Variants in AVL9 observed in about 807,000 individuals in gnomAD.
The protein encoded by AVL9 is late secretory pathway protein AVL9 homolog.
A neutral mutation model predicts 79.2 loss-of-function variants in AVL9; 49 were observed. The ratio of observed to expected loss-of-function variants is 0.62; its 90% CI spans 0.49 to 0.79. AVL9 has a LOEUF of 0.79. Among genes scored for constraint, AVL9 ranks in the 30% least tolerant of loss-of-function variants. The pLI, the probability that AVL9 is intolerant of heterozygous loss-of-function variation, is 0.00. For synonymous variants in AVL9, 299 were observed against 280.6 expected (o/e 1.07, Z -0.65); for missense variants, 682 against 776.8 (o/e 0.88, Z 1.45).
chr7:32,545,865 A>T (rs1789471576), intron 3 of AVL9, among the ~76,000 whole-genome samples: 1 of 152,108 alleles, frequency 6.6e-6, no homozygotes, highest in East Asian at 1.9e-4. Flanking sequence ...AGTGGTTCTT[A>T]GTCTCAGCTG....
intron 1 of AVL9, among the ~76,000 whole-genome samples, chr7:32,522,650 G>T (rs1241429305): frequency 6.6e-6 from 1 of 152,144 alleles, no homozygotes; most frequent in East Asian, 1.9e-4. Flanking sequence ...GCTGAAATGA[G>T]TTAAGACTTT....
chr7:32,521,132 CTT>C, intron 1 of AVL9, among the ~76,000 whole-genome samples: 1 of 152,142 alleles, frequency 6.6e-6, no homozygotes, highest in South Asian at 2.1e-4. Context: ...TCGGGTATGT[CTT>C]TATCAGCAGC....
chr7:32,547,899 G>A (rs1472931661), intron 3 of AVL9, among the ~76,000 whole-genome samples: 4 of 152,118 alleles, frequency 2.6e-5, no homozygotes, highest in Non-Finnish European at 4.4e-5. Context: ...CACTAGAGGA[G>A]GAAGTCTTTC....
intron 10 of AVL9, chr7:32,562,767 A>C (rs1443543414): frequency 7.4e-6 from 1 of 135,956 alleles, no homozygotes; most frequent in Non-Finnish European, 9.4e-6. Context: ...CAAAAAAGTA[A>C]AAAAATTATC....
At position 32,584,155 on chromosome 7, in the gene AVL9, A is replaced by G; in HGVS notation, c.*248A>G. ...TTCAGTCTGAGCCTGATTAAAACAT[A>G]CAGTGAACCTTCTAATGAATTTTGA... On this transcript the variant is annotated 3_prime_UTR_variant, in exon 16 of 16. Coordinates refer to ENST00000318709, the MANE Select transcript of AVL9 (RefSeq NM_015060.3). 2.0e-6 allele frequency: 1 copy of G among 512,328 alleles called. No individual in the cohort carries two copies. The highest frequency in any genetic ancestry group is 2.4e-5 in the South Asian group (1 of 41,052). 31.7% of individuals were successfully genotyped at this position (512,328 alleles called of 1,614,324 possible).
chr7:32,496,327 T>C (rs1190639616), intron 1 of AVL9, among the ~76,000 whole-genome samples: 2 of 152,220 alleles, frequency 1.3e-5, no homozygotes, highest in African/African-American at 4.8e-5. Flanking sequence ...TCTCTCCTGT[T>C]AGGTACGGTT....
intron 1 of AVL9, among the ~76,000 whole-genome samples, chr7:32,501,895 A>G (rs973464917): frequency 1.3e-5 from 2 of 152,188 alleles, no homozygotes; most frequent in Non-Finnish European, 2.9e-5. Flanking sequence ...AGATGCAGAC[A>G]CATAGGGAGA....
At chr7:32,577,841 G>A (rs887686712) in intron 13 of AVL9, among the ~76,000 whole-genome samples, 1 of 152,176 alleles carries the variant, frequency 6.6e-6, no homozygotes, top group African/African-American at 2.4e-5. Flanking sequence ...TATATAGGTA[G>A]GGAAATCATG....
chr7:32,544,698 T>G lies in AVL9; in HGVS notation c.219T>G (p.Thr73=). The G allele has an allele frequency of 6.2e-7, 1 of 1,611,866 alleles. No individual in the cohort carries two copies. Among genetic ancestry groups the G allele is most frequent in the Non-Finnish European group, 8.5e-7 (1 of 1,178,150 alleles). ...ATTTTTCTATGTATCTCTTAGATAC[T>G]GTGTTTTTTCACTTGCCACCCAGAA... is the stretch of plus-strand genomic sequence containing the variant. The part of the protein sequence containing the change: ...PDGAHNYQED[T]VFFHLPPRNG... Residue 73 remains threonine, a synonymous_variant, in exon 3 of 16, where the codon ACT becomes ACG. Transcript: ENST00000318709.
At chr7:32,545,364 C>CTTTTTTTTTTTTTTTTTTTT (rs10610945) in intron 3 of AVL9, among the ~76,000 whole-genome samples, 2 of 73,348 alleles carry the variant, frequency 2.7e-5, no homozygotes, top group African/African-American at 5.5e-5. Context: ...TCTAAGATTT[C>CTTTTTTTTTTTTTTTTTTTT]TTTTTTTTTT....
intron 10 of AVL9, among the ~76,000 whole-genome samples, chr7:32,568,443 C>T (rs553633070): frequency 1.3e-5 from 2 of 152,098 alleles, no homozygotes; most frequent in East Asian, 1.9e-4. Context: ...TCAAGTGATC[C>T]GCCTGCCTCA....
rs765857233 is a variant in AVL9 at position 32,570,080 on chromosome 7, G to C, written c.1276G>C (p.Val426Leu). The C allele has an allele frequency of 9.3e-6, 15 of 1,614,166 alleles. No individual in the cohort carries two copies. The Middle Eastern group carries it at 8.2e-4, about 89-fold the overall frequency. ...QQHHLLSDVTVRGFVAGATNI... is the reference protein window; with the variant it reads ...QQHHLLSDVTLRGFVAGATNI... ...GCATCATCTTCTCTCCGATGTCACCGTTCGGGGGTTTGTTGCTGGAGCTAC... is the reference window on the plus strand; with the variant it reads ...GCATCATCTTCTCTCCGATGTCACCCTTCGGGGGTTTGTTGCTGGAGCTAC... The change falls in exon 11 of 16, where the codon GTT (valine) becomes CTT (leucine). Residue 426 changes from valine (V) to leucine (L), a missense_variant. Coordinates refer to ENST00000318709, the MANE Select transcript of AVL9 (RefSeq NM_015060.3).
At chr7:32,567,717 T>C (rs1790646853) in intron 10 of AVL9, among the ~76,000 whole-genome samples, 1 of 151,670 alleles carries the variant, frequency 6.6e-6, no homozygotes, top group Non-Finnish European at 1.5e-5. Context: ...TTTATTTATT[T>C]ATTTATTTAT....
At chr7:32,577,203 T>G (rs6959909) in intron 13 of AVL9, among the ~76,000 whole-genome samples, 1 of 151,942 alleles carries the variant, frequency 6.6e-6, no homozygotes, top group Non-Finnish European at 1.5e-5. Context: ...GGCGTGGTGG[T>G]GGGTGCCTAT....
intron 1 of AVL9, among the ~76,000 whole-genome samples, chr7:32,524,555 CACAG>C (rs202015098): frequency 0.35 from 26,083 of 75,188 alleles, 2,253 homozygotes; most frequent in Non-Finnish European, 0.37. Context: ...CACACACACA[CACAG>C]AGAGAAAAGA....
At chr7:32,505,063 AG>A (rs1787346077) in intron 1 of AVL9, among the ~76,000 whole-genome samples, 1 of 151,314 alleles carries the variant, frequency 6.6e-6, no homozygotes, top group Non-Finnish European at 1.5e-5. Flanking sequence ...TAGTAGGAAC[AG>A]GGTTTCACCA....
At chr7:32,503,359 GAGATAT>G (rs1268107382) in intron 1 of AVL9, among the ~76,000 whole-genome samples, 17 of 88,502 alleles carry the variant, frequency 1.9e-4, no homozygotes, top group Middle Eastern at 5.3e-3. Flanking sequence ...TAGATATAGA[GAGATAT>G]ATATATATAC....
chr7:32,519,960 C>CGT (rs1788071176), intron 1 of AVL9, among the ~76,000 whole-genome samples: 2 of 152,134 alleles, frequency 1.3e-5, no homozygotes, highest in Admixed American at 1.3e-4. Context: ...GTGCAACACA[C>CGT]TTTCAAAAAC....
chr7:32,579,554 ATATTATAT>A (rs1562802297), intron 13 of AVL9, among the ~76,000 whole-genome samples: 148 of 3,836 alleles, frequency 0.039, 54 homozygotes, highest in South Asian at 0.11. Context: ...TATATATTAT[ATATTATAT>A]TATATATTAT....
Sources: allele counts gnomAD v4.1 joint callset (sites outside exome capture counted in the v4.1 genomes callset), GRCh38; gene constraint gnomAD v4.1.1; transcripts MANE v1.5; gene names NCBI Gene and HGNC (gene_info 2026-07-23, HGNC 2026-07-21).